MAMSTR: variants seen among roughly 807,000 people sequenced by gnomAD.
MAMSTR encodes MEF2-activating motif and SAP domain-containing transcriptional regulator.
A neutral mutation model predicts 42.7 loss-of-function variants in MAMSTR; 41 were observed. That is an observed-to-expected ratio of 0.96 (90% CI 0.75 to 1.25). MAMSTR has a LOEUF of 1.25. Among genes scored for constraint, MAMSTR ranks in the 50% most tolerant of loss-of-function variants. The pLI, the probability that MAMSTR is intolerant of heterozygous loss-of-function variation, is 0.00. For missense variants in MAMSTR, 567 were observed against 557.6 expected, an observed-to-expected ratio of 1.02 and a Z score of -0.17; for synonymous variants, 265 against 244.1, an observed-to-expected ratio of 1.09 and a Z score of -0.80.
chr19:48,713,350 G>A lies in MAMSTR; in HGVS notation c.1165C>T (p.Pro389Ser), dbSNP rs73057542. 18,064 of 1,608,404 alleles carry A rather than the reference G, an allele frequency of 0.011. 156 individuals are homozygous for A. The highest frequency in any genetic ancestry group is 0.014 in the Non-Finnish European group (16,555 of 1,178,466). ...LSGGPPLGSG[P>S]PPPSIFSADL... is the part of the protein sequence containing the mutation. ...GCGGAGAAGATGCTGGGGGGTGGGG[G>A]ACCAGAACCCAGAGGAGGACCCCCG... The change falls in exon 10 of 10, where the codon CCC becomes TCC. Residue 389 changes from proline (P) to serine (S), a missense_variant. Coordinates refer to ENST00000318083, the MANE Select transcript of MAMSTR (RefSeq NM_001130915.2).
At chr19:48,707,853 A>AAGAAAG, downstream of MAMSTR, among the ~76,000 whole-genome samples, 1 of 105,080 alleles carries the variant, frequency 9.5e-6, no homozygotes, top group Non-Finnish European at 2.1e-5. Flanking sequence ...GAAAGAAAGA[A>AAGAAAG]AGAAAGAAAG....
intron 5 of MAMSTR, 75 bp from the exon 6 acceptor site, chr19:48,714,983 C>T: frequency 1.0e-6 from 1 of 983,080 alleles, no homozygotes; most frequent in Non-Finnish European, 1.5e-6. Flanking sequence ...TCCTCAAAGA[C>T]GGGGAGCTGG....
chr19:48,713,309 G>A lies in MAMSTR; in HGVS notation c.1206C>T (p.Ser402=). The change falls in exon 10 of 10, where the codon TCC becomes TCT. Residue 402 remains serine (S), a synonymous_variant. Coordinates refer to ENST00000318083, the MANE Select transcript of MAMSTR (RefSeq NM_001130915.2). ...PSIFSADLSD[S]SSSRLWDLLE... is the part of the protein sequence containing the mutation. ...GCAGGTCCCACAGCCGGCTGCTGCT[G>A]GAGTCAGATAAGTCAGCGGAGAAGA... is the stretch of plus-strand genomic sequence containing the variant. 1 of 1,605,380 alleles carries A rather than the reference G, an allele frequency of 6.2e-7. No individual in the cohort carries two copies. The highest frequency in any genetic ancestry group is 8.5e-7 in the Non-Finnish European group (1 of 1,177,770).
intron 3 of MAMSTR, 116 bp from the exon 4 acceptor site, chr19:48,715,883 A>G (rs1409449379): frequency 1.4e-6 from 2 of 1,457,158 alleles, no homozygotes; most frequent in Non-Finnish European, 9.0e-7. Context: ...AGGGAGCAAG[A>G]CTTGATTGCT....
downstream of MAMSTR, among the ~76,000 whole-genome samples, chr19:48,708,231 C>CAAAA (rs66744711): frequency 3.0e-3 from 356 of 118,296 alleles, no homozygotes; most frequent in African/African-American, 6.4e-3. Flanking sequence ...TGAACTCCAT[C>CAAAA]AAAAAAAAAA....
In MAMSTR at chr19:48,713,455, A is replaced by G. The variant is rs751167789; in HGVS notation, c.1060T>C (p.Ser354Pro). 1.6e-5 allele frequency: 25 copies of G among 1,612,718 alleles called. No homozygotes were observed. The highest frequency in any genetic ancestry group is 2.1e-5 in the Non-Finnish European group (25 of 1,179,564). ...SEGLSSVFSS[S>P]LPSPTNSSSP... ...GAGGAGTTCGTGGGAGACGGGAGTG[A>G]AGAGGAGAAAACAGATGAGAGGCCT... Residue 354 changes from serine (S) to proline (P), a missense_variant, in exon 10 of 10, where the codon TCA (serine) becomes CCA (proline). Coordinates refer to ENST00000318083, the MANE Select transcript of MAMSTR (RefSeq NM_001130915.2).
chr19:48,707,811 A>G (rs13344696), downstream of MAMSTR, among the ~76,000 whole-genome samples: 1,780 of 85,372 alleles, frequency 0.021, 20 homozygotes, highest in Non-Finnish European at 0.037. Context: ...AAGGAAGGAA[A>G]GAAAGAAAGA....
downstream of MAMSTR, among the ~76,000 whole-genome samples, chr19:48,707,857 AAGAAAG>A (rs2032670088): frequency 1.9e-5 from 2 of 106,654 alleles, no homozygotes; most frequent in South Asian, 5.2e-4. Context: ...GAAAGAAAGA[AAGAAAG>A]AAAGAAAGAA....
At chr19:48,709,290 A>C (rs1163455845), downstream of MAMSTR, among the ~76,000 whole-genome samples, 1 of 152,114 alleles carries the variant, frequency 6.6e-6, no homozygotes, top group African/African-American at 2.4e-5. Flanking sequence ...CTGGGATTAC[A>C]GGCATGCACC....
At chr19:48,707,845 A>AAGAAAG (rs1555755173), downstream of MAMSTR, among the ~76,000 whole-genome samples, 1 of 87,092 alleles carries the variant, frequency 1.1e-5, no homozygotes, top group East Asian at 2.1e-4. Context: ...AAAGGAAAGA[A>AAGAAAG]AGAAAGAAAG....
Position 48,713,855 on chromosome 19 carries a change from C to G in MAMSTR, c.909+5G>C, listed in dbSNP as rs2032840223. 1 of 1,613,598 alleles carries G rather than the reference C, an allele frequency of 6.2e-7. No homozygotes were observed. On this transcript the variant is annotated splice_donor_5th_base_variant and intron_variant, in intron 8 of 9. Transcript: ENST00000318083. Reference sequence around the variant, plus strand: ...CCTAGCCGGATTCAACCCACACCCTCTTACCTGCGCCCTCCGGATCGCTTC... The same window carrying G: ...CCTAGCCGGATTCAACCCACACCCTGTTACCTGCGCCCTCCGGATCGCTTC...
In MAMSTR at chr19:48,714,849, G is replaced by T. The variant is rs373516785; in HGVS notation, c.485C>A (p.Pro162Gln). 3.3e-5 allele frequency: 53 copies of T among 1,611,180 alleles called. No individual in the cohort carries two copies. The highest frequency in any genetic ancestry group is 1.7e-4 in the Middle Eastern group (1 of 6,058). Residue 162 changes from proline to glutamine, a missense_variant, in exon 6 of 10, where the codon CCA (proline) becomes CAA (glutamine). Pro to Gln is a moderately conservative substitution (Grantham distance 76). Coordinates refer to ENST00000318083, the MANE Select transcript of MAMSTR (RefSeq NM_001130915.2). Reference sequence around the variant, plus strand: ...AAGGGTCTGAAGTTCCAACTTGTGTGGGGGGGGCGAGGGGCTAGGGACTCC... The same window carrying T: ...AAGGGTCTGAAGTTCCAACTTGTGTTGGGGGGGCGAGGGGCTAGGGACTCC... ...PPGVPSPSPP[P>Q]HKLELQTLKL... is the part of the protein sequence containing the mutation.
the MAMSTR span, among the ~76,000 whole-genome samples, chr19:48,707,364 C>G: frequency 9.6e-5 from 14 of 145,634 alleles, no homozygotes; most frequent in Admixed American, 4.1e-4. Context: ...TGCAGTGAGC[C>G]GAGATTGTGC....
chr19:48,716,940 C>G, intron 2 of MAMSTR, 197 bp from the exon 3 acceptor site: 4 of 1,189,506 alleles, frequency 3.4e-6, no homozygotes, highest in Non-Finnish European at 4.2e-6. Flanking sequence ...AGCGCAGCGC[C>G]GCGGGCCAGC....
Position 48,715,678 on chromosome 19 carries a change from C to G in MAMSTR, c.187G>C (p.Gly63Arg). The stretch of plus-strand genomic sequence containing the variant: ...TATTCTGGCTCGGGGAGCAGGACCC[C>G]AGGGCTGAAGAGGAAAGGGGCCGTG... ...SGTAPFLFSP[G>R]VLLPEPEYCP... Residue 63 changes from glycine (G) to arginine (R), a missense_variant, in exon 4 of 10, where the codon GGG becomes CGG. Transcript: ENST00000318083. 1 of 1,541,640 alleles carries G rather than the reference C, an allele frequency of 6.5e-7. No homozygotes were observed. The highest frequency in any genetic ancestry group is 1.7e-4 in the Middle Eastern group (1 of 5,882).
At chr19:48,716,237 G>T (rs146094967) in intron 3 of MAMSTR, among the ~76,000 whole-genome samples, 9 of 151,996 alleles carry the variant, frequency 5.9e-5, no homozygotes, top group Non-Finnish European at 1.0e-4. Context: ...TTAGCCAGGC[G>T]TGGTGGCACG....
chr19:48,711,245 G>A (rs963379871), downstream of MAMSTR, among the ~76,000 whole-genome samples: 7 of 152,330 alleles, frequency 4.6e-5, no homozygotes, highest in South Asian at 1.4e-3. Context: ...TGGGAGCCCT[G>A]AGCTATCATG....
chr19:48,714,619 G>C, intron 6 of MAMSTR, 59 bp from the exon 7 acceptor site: 3 of 1,421,918 alleles, frequency 2.1e-6, no homozygotes, highest in Non-Finnish European at 1.9e-6. Flanking sequence ...GGCGCAGGCA[G>C]GAGCTGGACA....
the MAMSTR span, among the ~76,000 whole-genome samples, chr19:48,707,466 T>A: frequency 6.7e-6 from 1 of 149,178 alleles, no homozygotes; most frequent in South Asian, 2.1e-4. Context: ...GGCAAGCAGG[T>A]GCTATGGCTC....
Sources: allele counts gnomAD v4.1 joint callset (sites outside exome capture counted in the v4.1 genomes callset), GRCh38; gene constraint gnomAD v4.1.1; transcripts MANE v1.5; gene names NCBI Gene and HGNC (gene_info 2026-07-23, HGNC 2026-07-21).